The following NYAP2 variants were observed in gnomAD, a reference collection of about 807,000 sequenced individuals.
The protein encoded by NYAP2 is neuronal tyrosine-phosphorylated phosphoinositide-3-kinase adapter 2.
In NYAP2, 23 loss-of-function variants were observed where a neutral mutation model predicts 50.4. The ratio of observed to expected loss-of-function variants is 0.46; its 90% CI spans 0.33 to 0.65. The LOEUF is 0.65. Among genes scored for constraint, NYAP2 ranks in the 30% least tolerant of loss-of-function variants. The pLI, the probability that NYAP2 is intolerant of heterozygous loss-of-function variation, is 0.02. For synonymous variants in NYAP2, 394 were observed against 365.2 expected (o/e 1.08, Z -0.90); for missense variants, 885 against 861.0 (o/e 1.03, Z -0.35).
At chr2:225,529,874 A>AT (rs1169070934) in intron 4 of NYAP2, among the ~76,000 whole-genome samples, 5 of 151,678 alleles carry the variant, frequency 3.3e-5, no homozygotes, top group African/African-American at 1.2e-4. Flanking sequence ...CACCTGGCTA[A>AT]TTTTTTGTAT....
intron 5 of NYAP2, among the ~76,000 whole-genome samples, chr2:225,622,553 CTTTCTTTT>C (rs1559232897): frequency 2.5e-5 from 1 of 40,756 alleles, no homozygotes; most frequent in African/African-American, 9.7e-5. Context: ...TTCTTTCTTT[CTTTCTTTT>C]TCTTTCTTTC....
At chr2:225,576,381 C>T (rs1378684155) in intron 4 of NYAP2, among the ~76,000 whole-genome samples, 1 of 152,088 alleles carries the variant, frequency 6.6e-6, no homozygotes, top group Non-Finnish European at 1.5e-5. Flanking sequence ...CAGACTAAGG[C>T]CATTTGCAAC....
At chr2:225,423,218 G>A (rs1220788894) in intron 3 of NYAP2, among the ~76,000 whole-genome samples, 2 of 152,172 alleles carry the variant, frequency 1.3e-5, no homozygotes, top group East Asian at 1.9e-4. Context: ...GATTAGGATG[G>A]TATTGGGTTT....
At chr2:225,606,249 G>A (rs1156807613) in intron 5 of NYAP2, among the ~76,000 whole-genome samples, 1 of 152,088 alleles carries the variant, frequency 6.6e-6, no homozygotes, top group African/African-American at 2.4e-5. Flanking sequence ...GCTGTGCGGT[G>A]CTATGACTGG....
intron 6 of NYAP2, among the ~76,000 whole-genome samples, chr2:225,638,195 G>C (rs1389543827): frequency 2.1e-5 from 3 of 140,024 alleles, no homozygotes; most frequent in Admixed American, 1.4e-4. Context: ...TGTGTGTGGT[G>C]TGGGAGGGGG....
intron 6 of NYAP2, among the ~76,000 whole-genome samples, chr2:225,637,783 T>C (rs866540253): frequency 5.3e-5 from 8 of 152,292 alleles, no homozygotes; most frequent in Middle Eastern, 6.8e-3. Flanking sequence ...TAGTATGGCT[T>C]TGAGAAACAA....
the NYAP2 span, among the ~76,000 whole-genome samples, chr2:225,694,572 C>T: frequency 6.6e-6 from 1 of 151,706 alleles, no homozygotes; most frequent in African/African-American, 2.4e-5. Context: ...ACTATGCACC[C>T]AAACATGTGC....
At chr2:225,498,580 T>TA (rs1185106080) in intron 3 of NYAP2, among the ~76,000 whole-genome samples, 1 of 151,814 alleles carries the variant, frequency 6.6e-6, no homozygotes, top group East Asian at 1.9e-4. Flanking sequence ...ACTTTTTTTT[T>TA]TTTTAGGTCA....
At chr2:225,402,560 C>A (rs192409254) in intron 2 of NYAP2, among the ~76,000 whole-genome samples, 1 of 152,090 alleles carries the variant, frequency 6.6e-6, no homozygotes, top group East Asian at 1.9e-4. Flanking sequence ...GGGGGAGATA[C>A]CAATTCATGA....
chr2:225,691,385 T>TA, the NYAP2 span, among the ~76,000 whole-genome samples: 1 of 152,166 alleles, frequency 6.6e-6, no homozygotes, highest in Admixed American at 6.6e-5. Flanking sequence ...TGTCATGAAA[T>TA]ACACTTCATT....
intron 4 of NYAP2, among the ~76,000 whole-genome samples, chr2:225,574,829 G>C (rs564424257): frequency 1.4e-4 from 22 of 152,090 alleles, no homozygotes; most frequent in Non-Finnish European, 2.8e-4. Context: ...ATGTCAACAG[G>C]GGCTCTTATA....
intron 3 of NYAP2, among the ~76,000 whole-genome samples, chr2:225,409,740 G>A (rs191974443): frequency 3.9e-5 from 6 of 152,110 alleles, no homozygotes; most frequent in Non-Finnish European, 8.8e-5. Context: ...TTCCTAGAGC[G>A]CTGACACCAA....
chr2:225,583,430 T>C (rs1692336284), intron 5 of NYAP2, among the ~76,000 whole-genome samples: 2 of 152,216 alleles, frequency 1.3e-5, no homozygotes, highest in African/African-American at 4.8e-5. Flanking sequence ...ACGTGCAAAA[T>C]GTGTTAATTC....
intron 2 of NYAP2, among the ~76,000 whole-genome samples, chr2:225,404,862 A>T (rs1019276397): frequency 6.6e-6 from 1 of 152,002 alleles, no homozygotes. Context: ...AAAGGCAGAG[A>T]GGGAGGATGT....
At chr2:225,662,691 G>T in the NYAP2 span, among the ~76,000 whole-genome samples, 82 of 152,366 alleles carry the variant, frequency 5.4e-4, no homozygotes, top group Non-Finnish European at 7.9e-4. Flanking sequence ...CAGAAAATGA[G>T]AAAGTTATTT....
At chr2:225,520,255 G>A (rs551157447) in intron 4 of NYAP2, among the ~76,000 whole-genome samples, 7 of 152,092 alleles carry the variant, frequency 4.6e-5, no homozygotes, top group African/African-American at 1.7e-4. Flanking sequence ...TTCTTTTGCT[G>A]TGCAGAAGCT....
intron 3 of NYAP2, among the ~76,000 whole-genome samples, chr2:225,423,360 T>TAC (rs1206454704): frequency 6.6e-6 from 1 of 152,232 alleles, no homozygotes; most frequent in African/African-American, 2.4e-5. Flanking sequence ...CAGCCCCCTG[T>TAC]GTAAGCTGCC....
chr2:225,650,301 C>T (rs1022605410), intron 6 of NYAP2, among the ~76,000 whole-genome samples: 1 of 152,212 alleles, frequency 6.6e-6, no homozygotes, highest in African/African-American at 2.4e-5. Context: ...TAGTGCACCT[C>T]CCCAGCGTGA....
chr2:225,581,155 T>C (rs888398467), intron 4 of NYAP2, among the ~76,000 whole-genome samples: 13 of 152,230 alleles, frequency 8.5e-5, no homozygotes, highest in African/African-American at 3.1e-4. Flanking sequence ...CAGAAGTTAT[T>C]CTTGAAACTT....
Sources: allele counts gnomAD v4.1 joint callset (sites outside exome capture counted in the v4.1 genomes callset), GRCh38; gene constraint gnomAD v4.1.1; transcripts MANE v1.5; gene names NCBI Gene and HGNC (gene_info 2026-07-23, HGNC 2026-07-21).